SNX3: variants seen among roughly 807,000 people sequenced by gnomAD.
SNX3 encodes sorting nexin-3.
In SNX3, 5 loss-of-function variants were observed where a neutral mutation model predicts 17.7. The observed-to-expected ratio is 0.28, with a 90% CI of 0.15 to 0.59. The LOEUF (loss-of-function observed/expected upper bound fraction) is 0.59. Ranked by LOEUF, SNX3 falls within the 20% of genes least tolerant of loss-of-function variation. SNX3 has a pLI of 0.88. For synonymous variants in SNX3, 91 were observed against 76.5 expected, an observed-to-expected ratio of 1.19 and a Z score of -0.99; for missense variants, 132 against 206.8, an observed-to-expected ratio of 0.64 and a Z score of 2.22.
At chr6:108,212,342 TA>T in intron 3 of SNX3, 88 bp from the exon 4 acceptor site, 1 of 933,708 alleles carries the variant, frequency 1.1e-6, no homozygotes, top group Admixed American at 2.8e-5. Context: ...GAAGCATGTA[TA>T]ATTTTTTTTT....
Position 108,243,618 on chromosome 6 carries a change from A to T in SNX3, c.162+17142T>A, listed in dbSNP as rs929388053. Among the ~76,000 whole-genome samples the T allele has an allele frequency of 8.5e-5, 13 of 152,308 alleles. 1 individual carries two copies. The highest frequency in any genetic ancestry group is 2.9e-4 in the African/African-American group (12 of 41,570). ...AAAGCCCTTCCGGCTGAAAAAAATG[A>T]TACCAGATAGTAAATGAAATCCACA... On this transcript the variant is annotated intron_variant, in intron 1 of 3. Transcript: ENST00000230085.
At chr6:108,260,196 A>G (rs916824866) in intron 1 of SNX3, among the ~76,000 whole-genome samples, 1 of 152,194 alleles carries the variant, frequency 6.6e-6, no homozygotes, top group African/African-American at 2.4e-5. Flanking sequence ...GAAGTCAACC[A>G]TGTCCAATCA....
intron 2 of SNX3, among the ~76,000 whole-genome samples, chr6:108,218,311 A>C (rs925062976): frequency 6.6e-6 from 1 of 152,210 alleles, no homozygotes; most frequent in Non-Finnish European, 1.5e-5. Flanking sequence ...GCCATTAGAG[A>C]AATAAAAATC....
chr6:108,230,128 C>T (rs374359742), intron 1 of SNX3, among the ~76,000 whole-genome samples: 3 of 151,638 alleles, frequency 2.0e-5, no homozygotes, highest in African/African-American at 7.3e-5. Context: ...ACTTTAAATG[C>T]TCTAGATTTA....
At chr6:108,255,543 G>A (rs978478364) in intron 1 of SNX3, among the ~76,000 whole-genome samples, 3 of 152,040 alleles carry the variant, frequency 2.0e-5, no homozygotes, top group Non-Finnish European at 4.4e-5. Flanking sequence ...GTAGGGACAG[G>A]GTCTCACTGC....
At chr6:108,229,657 A>G (rs1182154334) in intron 1 of SNX3, among the ~76,000 whole-genome samples, 1 of 152,236 alleles carries the variant, frequency 6.6e-6, no homozygotes, top group Non-Finnish European at 1.5e-5. Flanking sequence ...GCGCGAGTGC[A>G]ATGGCCTCAG....
intron 1 of SNX3, among the ~76,000 whole-genome samples, chr6:108,234,322 G>A (rs1775259438): frequency 1.3e-5 from 2 of 152,068 alleles, no homozygotes; most frequent in South Asian, 2.1e-4. Context: ...GGAGGCCGAG[G>A]CGGGTGGATC....
chr6:108,260,645 G>T (rs1022610203), intron 1 of SNX3, 115 bp downstream of exon 1: 2 of 1,225,272 alleles, frequency 1.6e-6, no homozygotes, highest in East Asian at 2.6e-5. Context: ...GCCTCTGCAA[G>T]GGGGCTCCCG....
chr6:108,259,918 T>C (rs191893945), intron 1 of SNX3, among the ~76,000 whole-genome samples: 83 of 152,374 alleles, frequency 5.4e-4, no homozygotes, highest in Admixed American at 9.8e-4. Context: ...CTTCCATACA[T>C]GGGCAAATTC....
At chr6:108,224,207 A>G (rs991886902) in intron 1 of SNX3, among the ~76,000 whole-genome samples, 1 of 152,132 alleles carries the variant, frequency 6.6e-6, no homozygotes, top group African/African-American at 2.4e-5. Context: ...AGGCTCCAGC[A>G]ATCCTCTCGC....
chr6:108,243,475 CATG>C (rs1775584050), intron 1 of SNX3, among the ~76,000 whole-genome samples: 1 of 152,178 alleles, frequency 6.6e-6, no homozygotes. Context: ...AGTTTGTAAG[CATG>C]ATGATTGGGT....
At chr6:108,231,427 C>T (rs1775153184) in intron 1 of SNX3, among the ~76,000 whole-genome samples, 1 of 152,066 alleles carries the variant, frequency 6.6e-6, no homozygotes, top group Non-Finnish European at 1.5e-5. Flanking sequence ...GAAGAGTCGC[C>T]CCCTGTCTTG....
chr6:108,259,256 G>A (rs946255465), intron 1 of SNX3, among the ~76,000 whole-genome samples: 1 of 152,028 alleles, frequency 6.6e-6, no homozygotes, highest in East Asian at 1.9e-4. Context: ...ATTTAGAGAA[G>A]GGATTTTGCT....
At chr6:108,231,365 A>G (rs538181461) in intron 1 of SNX3, among the ~76,000 whole-genome samples, 5 of 152,314 alleles carry the variant, frequency 3.3e-5, no homozygotes, top group African/African-American at 9.6e-5. Flanking sequence ...GATTACTGGC[A>G]TGAGCCACTG....
In SNX3 at chr6:108,211,434, T is replaced by C. The variant is rs1774402265; in HGVS notation, c.*715A>G. The C allele has an allele frequency of 6.6e-6, 1 of 152,328 alleles. No homozygotes were observed. Among genetic ancestry groups the C allele is most frequent in the African/African-American group, 2.4e-5 (1 of 41,452 alleles). 9.4% of individuals were successfully genotyped at this position (152,328 alleles called of 1,614,324 possible). A position where few individuals can be genotyped will look rare whatever the true frequency, so the allele number is the denominator to read the frequency against. ...AGTTACAGGAATGAGAAGTATATAA[T>C]TAGTAAATAATCCCTCTCAACAAGT... On this transcript the variant is annotated 3_prime_UTR_variant, in exon 4 of 4. Coordinates refer to ENST00000230085, the MANE Select transcript of SNX3 (RefSeq NM_003795.6).
At chr6:108,255,677 AT>A (rs1776007835) in intron 1 of SNX3, among the ~76,000 whole-genome samples, 1 of 152,168 alleles carries the variant, frequency 6.6e-6, no homozygotes, top group Non-Finnish European at 1.5e-5. Flanking sequence ...TACTATTAAT[AT>A]TTTAGCCCTT....
chr6:108,256,730 A>C (rs137987063), intron 1 of SNX3, among the ~76,000 whole-genome samples: 12 of 152,368 alleles, frequency 7.9e-5, no homozygotes, highest in Non-Finnish European at 1.6e-4. Context: ...CCAGAATATT[A>C]AAGTTATATT....
chr6:108,232,333 T>C (rs941293601), intron 1 of SNX3, among the ~76,000 whole-genome samples: 1 of 152,144 alleles, frequency 6.6e-6, no homozygotes, highest in African/African-American at 2.4e-5. Flanking sequence ...AAATGGATAT[T>C]ACATACTAAG....
At chr6:108,245,055 C>CT (rs1312130241) in intron 1 of SNX3, among the ~76,000 whole-genome samples, 2 of 152,098 alleles carry the variant, frequency 1.3e-5, no homozygotes, top group Non-Finnish European at 2.9e-5. Context: ...AACCCGTCAT[C>CT]TAAGTTTTAA....
Sources: allele counts gnomAD v4.1 joint callset (sites outside exome capture counted in the v4.1 genomes callset), GRCh38; gene constraint gnomAD v4.1.1; transcripts MANE v1.5; gene names NCBI Gene and HGNC (gene_info 2026-07-23, HGNC 2026-07-21).